The following MAGI2 variants were observed in gnomAD, a reference collection of about 807,000 sequenced individuals.
The protein encoded by MAGI2 is membrane-associated guanylate kinase, WW and PDZ domain-containing protein 2.
Under a neutral mutation model 133.3 loss-of-function variants are expected in MAGI2, and 35 were observed. The observed-to-expected ratio is 0.26, with a 90% CI of 0.20 to 0.35. The LOEUF is 0.35. Ranked by LOEUF, MAGI2 falls within the 10% of genes least tolerant of loss-of-function variation. The probability of loss-of-function intolerance (pLI) is 1.00; values close to 1 mark genes in which losing one functional copy is unlikely to be tolerated. For synonymous variants in MAGI2, 729 were observed against 710.6 expected (o/e 1.03, Z -0.41); for missense variants, 1,636 against 1,863.4 (o/e 0.88, Z 2.25).
intron 6 of MAGI2, among the ~76,000 whole-genome samples, chr7:78,420,657 T>C (rs985040169): frequency 3.3e-5 from 5 of 152,092 alleles, no homozygotes; most frequent in Admixed American, 2.6e-4. Context: ...AACATAAGGA[T>C]AGACAGAGGG....
intron 10 of MAGI2, among the ~76,000 whole-genome samples, chr7:78,230,025 T>C (rs1282824359): frequency 1.3e-5 from 2 of 152,218 alleles, no homozygotes; most frequent in Non-Finnish European, 2.9e-5. Flanking sequence ...AAACTGCATA[T>C]ATTTGAATCG....
intron 6 of MAGI2, among the ~76,000 whole-genome samples, chr7:78,476,042 T>C (rs933774391): frequency 1.3e-5 from 2 of 151,896 alleles, no homozygotes; most frequent in African/African-American, 2.4e-5. Context: ...TACTGCTCTT[T>C]GAAAACTGGG....
chr7:78,760,115 C>CA lies in MAGI2; in HGVS notation c.419-132877dup, dbSNP rs66987278. 7.3e-3 allele frequency among the ~76,000 whole-genome samples: 1,084 copies of CA among 149,104 alleles called. 6 individuals carry two copies. Among genetic ancestry groups the CA allele is most frequent in the Non-Finnish European group, 7.6e-3 (515 of 67,388 alleles). ...TGGGCAACAGAGCGAGACTCCGTCT[C>CA]AAAAAAAAAATAAAATAAACAAATA... is the stretch of plus-strand genomic sequence containing the variant. On this transcript the variant is annotated intron_variant, in intron 2 of 21. Coordinates refer to ENST00000354212, the MANE Select transcript of MAGI2 (RefSeq NM_012301.4).
intron 2 of MAGI2, among the ~76,000 whole-genome samples, chr7:78,809,534 C>A (rs998307597): frequency 1.3e-5 from 2 of 152,114 alleles, no homozygotes; most frequent in Non-Finnish European, 2.9e-5. Flanking sequence ...TTCTGGTACT[C>A]AGTATAAGGA....
chr7:79,115,659 T>A (rs1819323927), intron 1 of MAGI2, among the ~76,000 whole-genome samples: 1 of 152,060 alleles, frequency 6.6e-6, no homozygotes, highest in African/African-American at 2.4e-5. Flanking sequence ...TCATGTATGG[T>A]CTGTTCTGAG....
chr7:78,682,330 C>G, intron 2 of MAGI2, among the ~76,000 whole-genome samples: 1 of 152,118 alleles, frequency 6.6e-6, no homozygotes, highest in Non-Finnish European at 1.5e-5. Context: ...CCAATCGACC[C>G]GTCATCTACA....
At position 78,925,978 on chromosome 7, in the gene MAGI2, C is replaced by T. The variant is rs1226487035; in HGVS notation, c.418+81112G>A. Reference sequence around the variant, plus strand: ...GCCCATTGCTTTTTTATGACCCTGCCTAGTCACTGTTTTTGACTAAAATAC... The same window carrying T: ...GCCCATTGCTTTTTTATGACCCTGCTTAGTCACTGTTTTTGACTAAAATAC... On this transcript the variant is annotated intron_variant, in intron 2 of 21. Transcript: ENST00000354212. Among the ~76,000 whole-genome samples the T allele has an allele frequency of 2.0e-5, 3 of 151,962 alleles. No homozygotes were observed. The East Asian group carries it at 5.8e-4, about 29-fold the overall frequency.
chr7:78,826,943 G>T (rs1790708928), intron 2 of MAGI2, among the ~76,000 whole-genome samples: 1 of 152,134 alleles, frequency 6.6e-6, no homozygotes, highest in Admixed American at 6.5e-5. Context: ...ATTTCTCACT[G>T]TTGAAATGAG....
chr7:79,150,821 C>G (rs1038235405), intron 1 of MAGI2, among the ~76,000 whole-genome samples: 1 of 151,810 alleles, frequency 6.6e-6, no homozygotes, highest in African/African-American at 2.4e-5. Context: ...TAACTAAACC[C>G]TACTAGATAG....
chr7:78,623,380 C>G (rs1187512126), intron 3 of MAGI2, among the ~76,000 whole-genome samples: 2 of 151,932 alleles, frequency 1.3e-5, no homozygotes, highest in Non-Finnish European at 1.5e-5. Context: ...TCACAAAGCC[C>G]ATGGGAAATT....
At position 79,325,949 on chromosome 7, in the gene MAGI2, G is replaced by T. The variant is rs564866171; in HGVS notation, c.301+127071C>A. Among the ~76,000 whole-genome samples, 106 of 152,144 alleles carry T rather than the reference G, an allele frequency of 7.0e-4. 3 individuals carry two copies. The South Asian group carries it at 0.021, about 31-fold the overall frequency. On this transcript the variant is annotated intron_variant, in intron 1 of 21. Transcript: ENST00000354212. ...CCACATTGAGTGCTGGGAATAGGGG[G>T]GTTCTGCACTTCAACTCGTGAACAT...
At chr7:78,744,629 A>G (rs1345583450) in intron 2 of MAGI2, among the ~76,000 whole-genome samples, 1 of 152,150 alleles carries the variant, frequency 6.6e-6, no homozygotes, top group East Asian at 1.9e-4. Context: ...CTATGAAGTG[A>G]AGGAAAAAAA....
intron 16 of MAGI2, among the ~76,000 whole-genome samples, chr7:78,137,435 C>A (rs1822271393): frequency 6.6e-6 from 1 of 152,122 alleles, no homozygotes; most frequent in Non-Finnish European, 1.5e-5. Context: ...TAAGTATTAA[C>A]TGTCATTCTT....
intron 9 of MAGI2, among the ~76,000 whole-genome samples, chr7:78,284,019 A>C (rs1406629685): frequency 2.0e-5 from 3 of 152,164 alleles, no homozygotes; most frequent in African/African-American, 4.8e-5. Context: ...ACATTAAATA[A>C]ATGCCTCAGT....
At chr7:79,019,947 C>A (rs1467259436) in intron 1 of MAGI2, among the ~76,000 whole-genome samples, 1 of 152,116 alleles carries the variant, frequency 6.6e-6, no homozygotes, top group African/African-American at 2.4e-5. Flanking sequence ...AATGTGGAAG[C>A]AAATTTGGAA....
intron 1 of MAGI2, among the ~76,000 whole-genome samples, chr7:79,266,574 G>A (rs1416775369): frequency 1.3e-5 from 2 of 152,108 alleles, no homozygotes; most frequent in African/African-American, 2.4e-5. Context: ...GATGTAATGT[G>A]AAATGTCTGG....
rs1462783797 is a variant in MAGI2, at chr7:78,266,919, T to C, written c.1409-10338A>G. Among the ~76,000 whole-genome samples, 6 of 152,114 alleles carry C rather than the reference T, an allele frequency of 3.9e-5. No homozygotes were observed. The East Asian group carries it at 1.2e-3, about 29-fold the overall frequency. On this transcript the variant is annotated intron_variant, in intron 9 of 21. Transcript: ENST00000354212. ...CAACTGCAGACAACCTTCTGAGAAG[T>C]TGCTTTCTTGAATTGCTTTTGAAAA... is the stretch of plus-strand genomic sequence containing the variant.
In MAGI2 at chr7:78,343,808, G is replaced by T. The variant is rs754338331; in HGVS notation, c.1378C>A (p.Pro460Thr). ...TCCATTTTTCCATCCTGTGCTGCAGGCCCATCCGGAATCACACTTTTCACC... is the reference window on the plus strand; with the variant it reads ...TCCATTTTTCCATCCTGTGCTGCAGTCCCATCCGGAATCACACTTTTCACC... ...LQVKSVIPDG[P>T]AAQDGKMETG... Residue 460 changes from proline to threonine, a missense_variant, in exon 9 of 22, where the codon CCT (proline) becomes ACT (threonine). Physicochemically the swap from Pro to Thr is conservative, Grantham distance 38. Around this residue, in one of 5 missense-constraint regions of MAGI2, gnomAD observed 920 missense variants for 1,093.5 expected, o/e 0.84. Coordinates refer to ENST00000354212, the MANE Select transcript of MAGI2 (RefSeq NM_012301.4). 7 of 1,606,582 alleles carry T rather than the reference G, an allele frequency of 4.4e-6. No individual in the cohort carries two copies. Among genetic ancestry groups the T allele is most frequent in the Non-Finnish European group, 5.9e-6 (7 of 1,177,306 alleles).
At chr7:78,475,390 T>C (rs1333916391) in intron 6 of MAGI2, among the ~76,000 whole-genome samples, 1 of 151,982 alleles carries the variant, frequency 6.6e-6, no homozygotes, top group Non-Finnish European at 1.5e-5. Flanking sequence ...GACATCCTTT[T>C]AGGAAAAGGC....
Sources: allele counts gnomAD v4.1 joint callset (sites outside exome capture counted in the v4.1 genomes callset), GRCh38; gene constraint gnomAD v4.1.1; regional missense constraint gnomAD v4.1.1; transcripts MANE v1.5; gene names NCBI Gene and HGNC (gene_info 2026-07-23, HGNC 2026-07-21).